NYAP2: variants seen among roughly 807,000 people sequenced by gnomAD.
NYAP2 encodes neuronal tyrosine-phosphorylated phosphoinositide-3-kinase adapter 2.
A neutral mutation model predicts 50.4 loss-of-function variants in NYAP2; 23 were observed. The observed-to-expected ratio is 0.46, with a 90% confidence interval of 0.33 to 0.65. The LOEUF (loss-of-function observed/expected upper bound fraction) is 0.65. Ranked by LOEUF, NYAP2 falls within the 30% of genes least tolerant of loss-of-function variation. The pLI, the probability that NYAP2 is intolerant of heterozygous loss-of-function variation, is 0.02. For synonymous variants in NYAP2, 394 were observed against 365.2 expected, an observed-to-expected ratio of 1.08 and a Z score of -0.90; for missense variants, 885 against 861.0, an observed-to-expected ratio of 1.03 and a Z score of -0.35.
chr2:225,515,616 T>C (rs959293852), intron 4 of NYAP2, among the ~76,000 whole-genome samples: 3 of 152,278 alleles, frequency 2.0e-5, no homozygotes, highest in Non-Finnish European at 2.9e-5. Flanking sequence ...TATTAATAGG[T>C]GTTTAGTTAA....
chr2:225,465,613 G>A (rs1284339665), intron 3 of NYAP2, among the ~76,000 whole-genome samples: 1 of 152,146 alleles, frequency 6.6e-6, no homozygotes, highest in African/African-American at 2.4e-5. Flanking sequence ...CTACTCAGGA[G>A]GCTGAGGCAG....
the NYAP2 span, among the ~76,000 whole-genome samples, chr2:225,665,666 G>A: frequency 2.1e-4 from 31 of 150,912 alleles, no homozygotes; most frequent in East Asian, 2.9e-3. Context: ...AAAATTAGCC[G>A]GGTGTGGTGG....
At position 225,401,432 on chromosome 2, in the gene NYAP2, T is replaced by C. The variant is rs188242176; in HGVS notation, c.-18+389T>C. On this transcript the variant is annotated intron_variant, in intron 2 of 6. Coordinates refer to ENST00000636099, the Ensembl canonical transcript of NYAP2. ...TATTTTACAACTGTCTCTTAGCACA[T>C]TTATGTCAGCAGTGAGAGCCCAATT... Among the ~76,000 whole-genome samples the C allele has an allele frequency of 3.3e-5, 5 of 152,194 alleles. No homozygotes were observed. The East Asian group carries it at 5.8e-4, about 18-fold the overall frequency.
intron 5 of NYAP2, among the ~76,000 whole-genome samples, chr2:225,617,680 C>A (rs1326641243): frequency 2.0e-5 from 3 of 152,058 alleles, no homozygotes; most frequent in Non-Finnish European, 2.9e-5. Context: ...CTATTAATAA[C>A]AAGTGGTAAT....
chr2:225,513,478 G>T (rs749224114), exon 4 of NYAP2: 4 of 1,613,932 alleles, frequency 2.5e-6, no homozygotes, highest in Non-Finnish European at 3.4e-6. Context: ...CCCCATCCTT[G>T]CTCCAGTGGC....
At chr2:225,556,561 C>A (rs1472955311) in intron 4 of NYAP2, among the ~76,000 whole-genome samples, 2 of 152,114 alleles carry the variant, frequency 1.3e-5, no homozygotes, top group East Asian at 3.8e-4. Context: ...CTGGATGAAG[C>A]AAAAGAGATG....
intron 5 of NYAP2, among the ~76,000 whole-genome samples, chr2:225,608,056 T>C (rs1252410326): frequency 6.6e-6 from 1 of 152,070 alleles, no homozygotes; most frequent in African/African-American, 2.4e-5. Flanking sequence ...GACAATGAGG[T>C]TGGTTAACAA....
chr2:225,556,901 C>T (rs1034836855), intron 4 of NYAP2, among the ~76,000 whole-genome samples: 1 of 152,142 alleles, frequency 6.6e-6, no homozygotes, highest in African/African-American at 2.4e-5. Flanking sequence ...ATGGCTAATG[C>T]ATGTCAATAT....
intron 4 of NYAP2, among the ~76,000 whole-genome samples, chr2:225,546,784 G>A (rs2106207342): frequency 6.6e-6 from 1 of 152,228 alleles, no homozygotes; most frequent in Non-Finnish European, 1.5e-5. Context: ...CATCACAGCT[G>A]TGAATGTACT....
chr2:225,483,040 T>C (rs1436745044), intron 3 of NYAP2, among the ~76,000 whole-genome samples: 1 of 152,216 alleles, frequency 6.6e-6, no homozygotes, highest in Non-Finnish European at 1.5e-5. Flanking sequence ...CCTGTTTGAA[T>C]ATTCTGTACT....
At chr2:225,666,397 G>A in the NYAP2 span, among the ~76,000 whole-genome samples, 3 of 152,122 alleles carry the variant, frequency 2.0e-5, no homozygotes, top group Non-Finnish European at 4.4e-5. Flanking sequence ...AGCCCTCAGG[G>A]GTCCTGAGAA....
At chr2:225,424,822 T>C (rs1041530699) in intron 3 of NYAP2, among the ~76,000 whole-genome samples, 6 of 152,154 alleles carry the variant, frequency 3.9e-5, no homozygotes, top group African/African-American at 1.2e-4. Context: ...TGTTAGCCCG[T>C]TCACTAAACA....
the NYAP2 span, among the ~76,000 whole-genome samples, chr2:225,679,491 T>C: frequency 9.1e-6 from 1 of 109,972 alleles, no homozygotes; most frequent in South Asian, 3.8e-4. Context: ...GAGCTTCTAA[T>C]TGTTTTTTTT....
chr2:225,670,343 T>C, the NYAP2 span, among the ~76,000 whole-genome samples: 1 of 152,124 alleles, frequency 6.6e-6, no homozygotes, highest in Non-Finnish European at 1.5e-5. Context: ...GGAGAGGTCA[T>C]GCAATCTTTC....
At chr2:225,628,315 GTTTTTTT>G (rs543647777) in intron 6 of NYAP2, among the ~76,000 whole-genome samples, 1 of 109,418 alleles carries the variant, frequency 9.1e-6, no homozygotes, top group African/African-American at 3.4e-5. Context: ...AGAACACATA[GTTTTTTT>G]TTTTTTTTTT....
chr2:225,481,066 T>A (rs145853817), intron 3 of NYAP2, among the ~76,000 whole-genome samples: 120 of 152,262 alleles, frequency 7.9e-4, no homozygotes, highest in African/African-American at 2.8e-3. Flanking sequence ...TCATTCTTAA[T>A]GTGTTCCATG....
the NYAP2 span, among the ~76,000 whole-genome samples, chr2:225,688,396 C>T: frequency 1.7e-3 from 254 of 152,158 alleles, 1 homozygote; most frequent in African/African-American, 5.9e-3. Flanking sequence ...TAGTGTGATC[C>T]ATTTGTTTAT....
At chr2:225,647,864 G>A (rs1693660380) in intron 6 of NYAP2, among the ~76,000 whole-genome samples, 1 of 152,036 alleles carries the variant, frequency 6.6e-6, no homozygotes, top group Admixed American at 6.6e-5. Context: ...GTGAGATATG[G>A]TTTGATTAAA....
At chr2:225,700,308 TGTGTGTGTGTGA>T in the NYAP2 span, 3 of 149,654 alleles carry the variant, frequency 2.0e-5, no homozygotes, top group African/African-American at 7.6e-5. Context: ...TGCGTGCATG[TGTGTGTGTGTGA>T]GTGTGTGTGT....
Sources: allele counts gnomAD v4.1 joint callset (sites outside exome capture counted in the v4.1 genomes callset), GRCh38; gene constraint gnomAD v4.1.1; transcripts MANE v1.5; gene names NCBI Gene and HGNC (gene_info 2026-07-23, HGNC 2026-07-21).